Variants in TXNRD1 observed in about 807,000 individuals in gnomAD.
The protein encoded by TXNRD1 is thioredoxin reductase 1, cytoplasmic.
Under a neutral mutation model 80.3 loss-of-function variants are expected in TXNRD1, and 57 were observed. That is an observed-to-expected ratio of 0.71 (90% CI 0.57 to 0.89). The LOEUF (loss-of-function observed/expected upper bound fraction) is 0.89. TXNRD1 is among the 40% of genes least tolerant of loss of function. TXNRD1 has a pLI of 0.00. For missense variants in TXNRD1, 730 were observed against 803.0 expected (o/e 0.91, Z 1.10); for synonymous variants, 291 against 285.2 (o/e 1.02, Z -0.20).
In TXNRD1 at chr12:104,340,625, C is replaced by G. The variant is rs35629925; in HGVS notation, c.1881+1352C>G. On this transcript the variant is annotated intron_variant, in intron 16 of 16. Coordinates refer to ENST00000525566, the MANE Select transcript of TXNRD1 (RefSeq NM_001093771.3). ...GATGTATCACTTTAATCTCTGCCCC[C>G]CTCTTCACATGGCCTCATCCCTTGT... 5.3e-5 allele frequency among the ~76,000 whole-genome samples: 8 copies of G among 152,268 alleles called. No homozygotes were observed. In the East Asian group the frequency reaches 1.3e-3, roughly 26 times the overall value.
rs758230240 is a variant in TXNRD1, at chr12:104,348,460, T to A, written c.*39T>A. ...TGCTGTTGCCAAGACTGCAAACCAC[T>A]GGCTCGTTTCCGTGCCCAAATCCAA... On this transcript the variant is annotated 3_prime_UTR_variant, in exon 17 of 17. Coordinates refer to ENST00000525566, the MANE Select transcript of TXNRD1 (RefSeq NM_001093771.3). 6.2e-7 allele frequency: 1 copy of A among 1,605,982 alleles called. No individual in the cohort carries two copies. The highest frequency in any genetic ancestry group is 1.7e-5 in the Admixed American group (1 of 59,812).
At chr12:104,281,295 T>G (rs1377973111) in intron 3 of TXNRD1, among the ~76,000 whole-genome samples, 2 of 152,182 alleles carry the variant, frequency 1.3e-5, no homozygotes, top group Non-Finnish European at 2.9e-5. Flanking sequence ...GCAATTAGCT[T>G]TACCTTCAAA....
chr12:104,346,479 A>G (rs1007095096), intron 16 of TXNRD1, among the ~76,000 whole-genome samples: 1 of 152,244 alleles, frequency 6.6e-6, no homozygotes, highest in African/African-American at 2.4e-5. Context: ...TCTGAGAAAT[A>G]GAACCCAGGC....
At chr12:104,329,829 G>A (rs2035889786) in intron 13 of TXNRD1, among the ~76,000 whole-genome samples, 1 of 152,118 alleles carries the variant, frequency 6.6e-6, no homozygotes, top group Non-Finnish European at 1.5e-5. Context: ...TTGGCTTCCA[G>A]GAAAGACCCT....
rs185244326 is a variant in TXNRD1, at chr12:104,338,748, G to A, written c.1747-391G>A. On this transcript the variant is annotated intron_variant, in intron 15 of 16. Transcript: ENST00000525566. ...TTTTCTTTTTTTGAGATGGAGTCTC[G>A]CTCTGTCGTCTAGGCTGGAGTGCAG... Among the ~76,000 whole-genome samples, 1,197 of 151,562 alleles carry A rather than the reference G, an allele frequency of 7.9e-3. 28 individuals carry two copies. Among genetic ancestry groups the A allele is most frequent in the African/African-American group, 0.026 (1,092 of 41,338 alleles).
At chr12:104,339,748 C>G (rs183087515) in intron 16 of TXNRD1, among the ~76,000 whole-genome samples, 29 of 152,228 alleles carry the variant, frequency 1.9e-4, no homozygotes, top group Admixed American at 4.6e-4. Context: ...TCTTCGCTAC[C>G]AGTGATCATC....
At chr12:104,311,625 A>C (rs1196024557) in intron 5 of TXNRD1, among the ~76,000 whole-genome samples, 1 of 152,250 alleles carries the variant, frequency 6.6e-6, no homozygotes, top group Non-Finnish European at 1.5e-5. Flanking sequence ...ATTAAAGTAT[A>C]GGGCCCAGTA....
chr12:104,267,669 C>CTTTCTTTG (rs1565870106), intron 3 of TXNRD1, among the ~76,000 whole-genome samples: 10 of 40,652 alleles, frequency 2.5e-4, no homozygotes, highest in African/African-American at 8.4e-4. Flanking sequence ...TTCTTTCTTT[C>CTTTCTTTG]TTTCTTTCTT....
chr12:104,304,960 T>C (rs1443589983), intron 4 of TXNRD1: 4 of 1,538,298 alleles, frequency 2.6e-6, no homozygotes, highest in Non-Finnish European at 3.5e-6. Context: ...TAGCATCCTT[T>C]TTGTGTTTTT....
chr12:104,252,804 G>A (rs1364053992), intron 2 of TXNRD1, among the ~76,000 whole-genome samples: 1 of 138,804 alleles, frequency 7.2e-6, no homozygotes, highest in Non-Finnish European at 1.5e-5. Flanking sequence ...CCGGGTTCAT[G>A]CCATTTTCCT....
At position 104,319,045 on chromosome 12, in the gene TXNRD1, A is replaced by G; in HGVS notation, c.863A>G (p.His288Arg). Reference protein sequence around the residue: ...ENAYGQFIGPHRIKATNNKGK... With the variant: ...ENAYGQFIGPRRIKATNNKGK... The stretch of plus-strand genomic sequence containing the variant: ...GCTTATGGGCAATTTATTGGTCCTC[A>G]CAGGATTAAGGTAATTGTGTGACAT... The change falls in exon 8 of 17, where the codon CAC becomes CGC. Residue 288 changes from histidine to arginine, a missense_variant. Transcript: ENST00000525566. 1 of 1,612,576 alleles carries G rather than the reference A, an allele frequency of 6.2e-7. No homozygotes were observed. The highest frequency in any genetic ancestry group is 1.1e-5 in the South Asian group (1 of 90,682).
At chr12:104,260,104 T>G (rs7295413) in intron 3 of TXNRD1, among the ~76,000 whole-genome samples, 1 of 152,040 alleles carries the variant, frequency 6.6e-6, no homozygotes, top group Non-Finnish European at 1.5e-5. Context: ...GAGGTGGAGG[T>G]GGGAGGATTG....
At chr12:104,228,545 C>T (rs1350351831) in intron 1 of TXNRD1, among the ~76,000 whole-genome samples, 1 of 151,986 alleles carries the variant, frequency 6.6e-6, no homozygotes, top group Non-Finnish European at 1.5e-5. Context: ...GCAGGAGAAT[C>T]GCTTGAACCC....
At chr12:104,310,987 A>G (rs1236437848) in intron 4 of TXNRD1, among the ~76,000 whole-genome samples, 1 of 152,202 alleles carries the variant, frequency 6.6e-6, no homozygotes, top group Non-Finnish European at 1.5e-5. Flanking sequence ...TAAAAATTCT[A>G]GGAAAAAAAG....
chr12:104,278,616 C>T (rs1420721889), intron 3 of TXNRD1, among the ~76,000 whole-genome samples: 1 of 151,578 alleles, frequency 6.6e-6, no homozygotes, highest in Non-Finnish European at 1.5e-5. Flanking sequence ...GTTCTCCTGC[C>T]TCAGCCTCCT....
intron 7 of TXNRD1, among the ~76,000 whole-genome samples, chr12:104,316,922 T>C (rs1806546878): frequency 6.6e-6 from 1 of 152,180 alleles, no homozygotes; most frequent in South Asian, 2.1e-4. Flanking sequence ...TAATTGTTTA[T>C]TAAATGTAAA....
rs781400271 is a variant in TXNRD1 at position 104,258,018 on chromosome 12, G to A, written c.244-1G>A. The A allele has an allele frequency of 9.3e-5, 143 of 1,544,260 alleles. No individual in the cohort carries two copies. The highest frequency in any genetic ancestry group is 1.2e-4 in the Non-Finnish European group (139 of 1,143,496). ...CCTCCTTGTTTTTCAACTTCTTCCA[G>A]GTAAAGAAGTTATTTAAATCTCTGT... On this transcript the variant is annotated splice_acceptor_variant, in intron 2 of 16. Coordinates refer to ENST00000525566, the MANE Select transcript of TXNRD1 (RefSeq NM_001093771.3). LOFTEE classifies it high-confidence loss of function.
chr12:104,220,084 C>G (rs2032316615), intron 1 of TXNRD1, among the ~76,000 whole-genome samples: 2 of 152,176 alleles, frequency 1.3e-5, no homozygotes, highest in Admixed American at 6.5e-5. Context: ...GTCAAATCAC[C>G]TATTTCTGGG....
intron 1 of TXNRD1, among the ~76,000 whole-genome samples, chr12:104,228,726 T>G (rs527432321): frequency 6.6e-6 from 1 of 152,250 alleles, no homozygotes; most frequent in East Asian, 1.9e-4. Flanking sequence ...CATTTTCTTT[T>G]CTTTTTTTTT....
Sources: gnomAD v4.1 joint callset for allele counts (sites outside exome capture counted in the v4.1 genomes callset) on GRCh38, gnomAD v4.1.1 for gene constraint, MANE v1.5 for transcripts, NCBI Gene and HGNC (gene_info 2026-07-23, HGNC 2026-07-21) for gene names.